Variants in CNOT6L observed in about 807,000 individuals in gnomAD.
CNOT6L encodes the protein CCR4-NOT transcription complex subunit 6-like.
Under a neutral mutation model 64.0 loss-of-function variants are expected in CNOT6L, and 7 were observed. That is an observed-to-expected ratio of 0.11 (90% CI 0.06 to 0.21). The LOEUF (loss-of-function observed/expected upper bound fraction) is 0.21. Among genes scored for constraint, CNOT6L ranks in the 10% least tolerant of loss-of-function variants. The probability of loss-of-function intolerance (pLI) is 1.00; values close to 1 mark genes in which losing one functional copy is unlikely to be tolerated. For synonymous variants in CNOT6L, 193 were observed against 243.4 expected (o/e 0.79, Z 1.93); for missense variants, 245 against 669.0 (o/e 0.37, Z 6.99).
chr4:77,802,029 A>G (rs1274911242), intron 1 of CNOT6L, among the ~76,000 whole-genome samples: 11 of 152,366 alleles, frequency 7.2e-5, no homozygotes, highest in Admixed American at 6.5e-5. Context: ...CAAAAGAAAT[A>G]TAACAGTTTA....
At chr4:77,734,235 A>G (rs537191405) in intron 8 of CNOT6L, among the ~76,000 whole-genome samples, 1 of 152,294 alleles carries the variant, frequency 6.6e-6, no homozygotes, top group Admixed American at 6.5e-5. Context: ...AACGTGGAAA[A>G]AATGATACAT....
intron 1 of CNOT6L, among the ~76,000 whole-genome samples, chr4:77,777,669 T>C (rs1728305201): frequency 6.6e-6 from 1 of 152,206 alleles, no homozygotes; most frequent in Admixed American, 6.5e-5. Flanking sequence ...TCTTTGCTCA[T>C]ATATTAACAT....
chr4:77,756,899 G>A lies in CNOT6L; in HGVS notation c.453C>T (p.Thr151=), dbSNP rs778201566. 1 of 1,610,546 alleles carries A rather than the reference G, an allele frequency of 6.2e-7. No individual in the cohort carries two copies. The change falls in exon 5 of 12, where the codon ACC becomes ACT. Residue 151 remains threonine, a synonymous_variant. Transcript: ENST00000504123. ...ILNLYQDPDG[T]RKLLNFMLDN... ...CAAGCATGAAGTTCAGTAGCTTTCG[G>A]GTTCCATCTGGGTCCTGGTATAAGT... is the stretch of plus-strand genomic sequence containing the variant.
At chr4:77,746,471 CTTT>C (rs1172008680) in intron 6 of CNOT6L, among the ~76,000 whole-genome samples, 2 of 152,044 alleles carry the variant, frequency 1.3e-5, no homozygotes. Context: ...TTAACAGTAA[CTTT>C]TTTTCAGCAC....
chr4:77,733,394 A>AC (rs1309878032), intron 8 of CNOT6L, among the ~76,000 whole-genome samples: 1 of 152,108 alleles, frequency 6.6e-6, no homozygotes, highest in Non-Finnish European at 1.5e-5. Context: ...TCTGCACCAA[A>AC]AACAAGTTAA....
At chr4:77,798,837 C>G (rs1731173825) in intron 1 of CNOT6L, among the ~76,000 whole-genome samples, 1 of 148,364 alleles carries the variant, frequency 6.7e-6, no homozygotes, top group Non-Finnish European at 1.5e-5. Context: ...AAAAAAATAG[C>G]CAGGCATGGT....
intron 1 of CNOT6L, among the ~76,000 whole-genome samples, chr4:77,813,915 C>G (rs1733253395): frequency 6.6e-6 from 1 of 152,086 alleles, no homozygotes; most frequent in African/African-American, 2.4e-5. Context: ...CAAAAGAATT[C>G]AAAACATACA....
intron 2 of CNOT6L, among the ~76,000 whole-genome samples, chr4:77,774,978 C>G (rs2110063242): frequency 6.6e-6 from 1 of 152,258 alleles, no homozygotes; most frequent in Admixed American, 6.5e-5. Context: ...TGTGGAAACC[C>G]TTGGAGTTTA....
Position 77,774,652 on chromosome 4 carries a change from A to G in CNOT6L, c.192T>C (p.Asn64=), listed in dbSNP as rs1560416683. The G allele has an allele frequency of 3.7e-6, 6 of 1,613,678 alleles. No individual in the cohort carries two copies. The highest frequency in any genetic ancestry group is 4.2e-6 in the Non-Finnish European group (5 of 1,179,712). ...SLTHLTALHL[N]DNYLSRIPPD... ...GTGGAATGCGACTAAGGTAATTGTC[A>G]TTTAGGTGCAGCGCTGTCAAGTGTG... The change falls in exon 3 of 12, where the codon AAT becomes AAC. Residue 64 remains asparagine (N), a synonymous_variant. Transcript: ENST00000504123.
intron 1 of CNOT6L, among the ~76,000 whole-genome samples, chr4:77,796,005 T>C (rs901692375): frequency 6.6e-6 from 1 of 152,156 alleles, no homozygotes; most frequent in Non-Finnish European, 1.5e-5. Flanking sequence ...TCTTTAATAA[T>C]TTCAGCTTTT....
At chr4:77,785,107 C>A (rs1729290648) in intron 1 of CNOT6L, among the ~76,000 whole-genome samples, 1 of 152,266 alleles carries the variant, frequency 6.6e-6, no homozygotes, top group Non-Finnish European at 1.5e-5. Flanking sequence ...TGGAACAGAA[C>A]TGAGAAGCTG....
At chr4:77,732,101 A>G (rs1722503728) in intron 8 of CNOT6L, among the ~76,000 whole-genome samples, 1 of 152,146 alleles carries the variant, frequency 6.6e-6, no homozygotes, top group Non-Finnish European at 1.5e-5. Flanking sequence ...TCTCAGCTAA[A>G]GAGTAACTGA....
chr4:77,778,104 G>A (rs923507142), intron 1 of CNOT6L, among the ~76,000 whole-genome samples: 1 of 152,198 alleles, frequency 6.6e-6, no homozygotes, highest in African/African-American at 2.4e-5. Context: ...CAAAGAATAT[G>A]ATCATTTTCC....
rs1210613191 is a variant in CNOT6L at position 77,713,643 on chromosome 4, A to AAAT, written c.*6785_*6787dup. The AAAT allele has an allele frequency of 6.6e-6, 1 of 152,598 alleles. No homozygotes were observed. Among genetic ancestry groups the AAAT allele is most frequent in the East Asian group, 1.9e-4 (1 of 5,200 alleles). 9.5% of individuals were successfully genotyped at this position (152,598 alleles called of 1,614,324 possible). On this transcript the variant is annotated 3_prime_UTR_variant, in exon 12 of 12. Coordinates refer to ENST00000504123, the MANE Select transcript of CNOT6L (RefSeq NM_144571.3). ...TTAGTCAATGTTCACATTAATGAAA[A>AAAT]AATACTACCAACCGTGTCCTTTTGC...
chr4:77,809,226 T>A (rs1367361751), intron 1 of CNOT6L, among the ~76,000 whole-genome samples: 1 of 152,120 alleles, frequency 6.6e-6, no homozygotes, highest in Non-Finnish European at 1.5e-5. Context: ...ATACTGCCTC[T>A]CTCATAGGAT....
intron 1 of CNOT6L, among the ~76,000 whole-genome samples, chr4:77,804,988 G>A (rs771813317): frequency 1.6e-4 from 25 of 152,260 alleles, no homozygotes; most frequent in Admixed American, 6.5e-4. Context: ...AGGTTCACTC[G>A]TGGAGATTTT....
Position 77,719,711 on chromosome 4 carries a change from C to G in CNOT6L, c.*720G>C. 1 of 152,520 alleles carries G rather than the reference C, an allele frequency of 6.6e-6. No homozygotes were observed. The highest frequency in any genetic ancestry group is 1.9e-4 in the East Asian group (1 of 5,198). The allele number at this position is 152,520 out of a possible 1,614,324, so 9.4% of individuals were successfully genotyped here. A position where few individuals can be genotyped will look rare whatever the true frequency, so the allele number is the denominator to read the frequency against. ...TCTATAAATAAACTTGAGAGACAGG[C>G]TTAGAATTAATACTTCCAATAAGGT... On this transcript the variant is annotated 3_prime_UTR_variant, in exon 12 of 12. Coordinates refer to ENST00000504123, the MANE Select transcript of CNOT6L (RefSeq NM_144571.3).
chr4:77,742,934 G>T (rs899121390), intron 7 of CNOT6L, among the ~76,000 whole-genome samples: 5 of 152,080 alleles, frequency 3.3e-5, no homozygotes, highest in African/African-American at 1.2e-4. Flanking sequence ...CTAACAGCAT[G>T]AGTTTATGAC....
chr4:77,773,072 A>G lies in CNOT6L; in HGVS notation c.400+9T>C. The G allele has an allele frequency of 1.3e-6, 2 of 1,580,572 alleles. No individual in the cohort carries two copies. The highest frequency in any genetic ancestry group is 1.7e-6 in the Non-Finnish European group (2 of 1,160,766). On this transcript the variant is annotated intron_variant, in intron 4 of 11. Coordinates refer to ENST00000504123, the MANE Select transcript of CNOT6L (RefSeq NM_144571.3). ...CAGAATACCTCAAAACTGTTTAAAAATCACTTACCTTTCAAACCTAGAGTT... is the reference window on the plus strand; with the variant it reads ...CAGAATACCTCAAAACTGTTTAAAAGTCACTTACCTTTCAAACCTAGAGTT...
Sources: allele counts gnomAD v4.1 joint callset (sites outside exome capture counted in the v4.1 genomes callset), GRCh38; gene constraint gnomAD v4.1.1; transcripts MANE v1.5; gene names NCBI Gene and HGNC (gene_info 2026-07-23, HGNC 2026-07-21).